VTI1B: variants seen among roughly 807,000 people sequenced by gnomAD.
The protein encoded by VTI1B is vesicle transport through interaction with t-SNAREs 1B, also known as vesicle transport through interaction with t-SNAREs homolog 1B.
Under a neutral mutation model 28.6 loss-of-function variants are expected in VTI1B, and 18 were observed. The observed-to-expected ratio is 0.63, with a 90% CI of 0.43 to 0.93. The LOEUF (loss-of-function observed/expected upper bound fraction) is 0.93, where lower values mean the gene tolerates loss of function less well. Among genes scored for constraint, VTI1B ranks in the 40% least tolerant of loss-of-function variants. The pLI is 0.00. For missense variants in VTI1B, 283 were observed against 297.0 expected (o/e 0.95, Z 0.35); for synonymous variants, 100 against 107.9 (o/e 0.93, Z 0.46).
rs1307485424 is a variant in VTI1B, at chr14:67,651,374, C to T, written c.*11G>A. ...CAAAGTTCTGGTCCACAAACCCTTC[C>T]CTATAGAAGTTCAATGGCTGCGAAA... On this transcript the variant is annotated 3_prime_UTR_variant, in exon 6 of 6. Coordinates refer to ENST00000554659, the MANE Select transcript of VTI1B (RefSeq NM_006370.3). The T allele has an allele frequency of 6.2e-7, 1 of 1,613,538 alleles. No homozygotes were observed. The highest frequency in any genetic ancestry group is 8.5e-7 in the Non-Finnish European group (1 of 1,179,620).
chr14:67,666,819 C>T (rs569196819), intron 1 of VTI1B, among the ~76,000 whole-genome samples: 41 of 152,304 alleles, frequency 2.7e-4, no homozygotes, highest in African/African-American at 7.9e-4. Context: ...CAGTCCAAGG[C>T]TTTTCTGTAT....
chr14:67,670,149 C>CA lies in VTI1B; in HGVS notation c.115+4225dup, dbSNP rs553855863. Reference sequence around the variant, plus strand: ...GTGACTGCCCAAAAGGCTCTTAACACAGTCCCCTGTACCCAGATTCTTGTG... The same window carrying CA: ...GTGACTGCCCAAAAGGCTCTTAACACAAGTCCCCTGTACCCAGATTCTTGTG... On this transcript the variant is annotated intron_variant, in intron 1 of 5. Transcript: ENST00000554659. Among the ~76,000 whole-genome samples the CA allele has an allele frequency of 1.8e-3, 280 of 152,298 alleles. 1 individual carries two copies. Among genetic ancestry groups the CA allele is most frequent in the Non-Finnish European group, 1.7e-3 (119 of 68,024 alleles).
chr14:67,674,109 A>T (rs1263960168), intron 1 of VTI1B, among the ~76,000 whole-genome samples: 2 of 152,258 alleles, frequency 1.3e-5, no homozygotes, highest in African/African-American at 4.8e-5. Flanking sequence ...CAGATGCAAA[A>T]GCCCCTCTGC....
At chr14:67,663,177 A>T (rs1211971618) in intron 1 of VTI1B, 4 of 1,531,444 alleles carry the variant, frequency 2.6e-6, no homozygotes, top group Non-Finnish European at 3.5e-6. Flanking sequence ...ATACCTAAAA[A>T]TTACTAATCT....
chr14:67,654,869 A>G (rs1298425444), intron 4 of VTI1B, among the ~76,000 whole-genome samples: 1 of 151,872 alleles, frequency 6.6e-6, no homozygotes, highest in Non-Finnish European at 1.5e-5. Context: ...CTCTACTAAA[A>G]ATACGAAAAA....
At chr14:67,661,519 G>C (rs1037587200) in intron 2 of VTI1B, among the ~76,000 whole-genome samples, 1 of 136,540 alleles carries the variant, frequency 7.3e-6, no homozygotes, top group South Asian at 2.4e-4. Flanking sequence ...GTTTAACAAA[G>C]AACAGTAACC....
At chr14:67,670,677 T>A (rs530964668) in intron 1 of VTI1B, among the ~76,000 whole-genome samples, 1 of 152,038 alleles carries the variant, frequency 6.6e-6, no homozygotes, top group Non-Finnish European at 1.5e-5. Flanking sequence ...TACAGGCACA[T>A]GCCACCACAC....
Position 67,651,185 on chromosome 14 carries a change from A to G in VTI1B, c.*200T>C. On this transcript the variant is annotated 3_prime_UTR_variant, in exon 6 of 6. Coordinates refer to ENST00000554659, the MANE Select transcript of VTI1B (RefSeq NM_006370.3). The stretch of plus-strand genomic sequence containing the variant: ...CATAAACAGCATTTATTACCTTGGT[A>G]TATCATACTGGTCTTGTTGCTGTTG... 2.8e-6 allele frequency: 3 copies of G among 1,059,252 alleles called. No individual in the cohort carries two copies. The highest frequency in any genetic ancestry group is 4.0e-6 in the Non-Finnish European group (3 of 753,504). The allele number at this position is 1,059,252 out of a possible 1,614,324, so 65.6% of individuals were successfully genotyped here. A position where few individuals can be genotyped will look rare whatever the true frequency, so the allele number is the denominator to read the frequency against.
rs372340047 is a variant in VTI1B at position 67,648,377 on chromosome 14, C to T, written c.*3008G>A. ...TTTAGAGTCATGCTTGGACATGGCT[C>T]TTACCAAATTACACTAAGGTAATAA... On this transcript the variant is annotated 3_prime_UTR_variant, in exon 6 of 6. Coordinates refer to ENST00000554659, the MANE Select transcript of VTI1B (RefSeq NM_006370.3). The T allele has an allele frequency of 1.1e-4, 54 of 489,376 alleles. No individual in the cohort carries two copies. The highest frequency in any genetic ancestry group is 8.8e-4 in the African/African-American group (45 of 50,854). The allele number at this position is 489,376 out of a possible 1,614,324, so 30.3% of individuals were successfully genotyped here.
chr14:67,669,091 CT>C lies in VTI1B; in HGVS notation c.115+5283del, dbSNP rs374955288. Among the ~76,000 whole-genome samples, 46 of 152,196 alleles carry C rather than the reference CT, an allele frequency of 3.0e-4. 1 individual carries two copies. Among genetic ancestry groups the C allele is most frequent in the African/African-American group, 1.1e-3 (45 of 41,518 alleles). On this transcript the variant is annotated intron_variant, in intron 1 of 5. Coordinates refer to ENST00000554659, the MANE Select transcript of VTI1B (RefSeq NM_006370.3). ...AACTCATTTACTCCTCACAAAAACCCTGTGAAGTAGATACTATGATTTATCC... is the reference window on the plus strand; with the variant it reads ...AACTCATTTACTCCTCACAAAAACCCGTGAAGTAGATACTATGATTTATCC...
At chr14:67,666,912 T>A (rs1280100221) in intron 1 of VTI1B, among the ~76,000 whole-genome samples, 2 of 152,124 alleles carry the variant, frequency 1.3e-5, no homozygotes, top group Admixed American at 6.5e-5. Flanking sequence ...TAAAATCTGT[T>A]GAAAAAACAA....
At chr14:67,666,676 G>A (rs1023026373) in intron 1 of VTI1B, among the ~76,000 whole-genome samples, 1 of 152,148 alleles carries the variant, frequency 6.6e-6, no homozygotes, top group African/African-American at 2.4e-5. Context: ...GTACCTCAGC[G>A]ATCATCTAGT....
rs1257900121 is a variant in VTI1B at position 67,674,535 on chromosome 14, G to C, written c.-46C>G. 2.0e-6 allele frequency: 3 copies of C among 1,516,146 alleles called. No homozygotes were observed. The South Asian group carries it at 3.6e-5, about 18-fold the overall frequency. The allele number at this position is 1,516,146 out of a possible 1,614,324, so 93.9% of individuals were successfully genotyped here. ...AGCGGCCACCGAGATTCGGGGCCCT[G>C]GGCCCTTTCCTAGCCCGGCGGTCAG... On this transcript the variant is annotated 5_prime_UTR_variant, in exon 1 of 6. Coordinates refer to ENST00000554659, the MANE Select transcript of VTI1B (RefSeq NM_006370.3).
rs796824879 is a variant in VTI1B at position 67,673,303 on chromosome 14, C to CACTT, written c.115+1071_115+1072insAAGT. Reference sequence around the variant, plus strand: ...AGGTTGCAGTGAGCCGAGATCGTGCCACTGCACTCCAGCCTGGGTGACAGA... The same window carrying CACTT: ...AGGTTGCAGTGAGCCGAGATCGTGCCACTTACTGCACTCCAGCCTGGGTGACAGA... On this transcript the variant is annotated intron_variant, in intron 1 of 5. Coordinates refer to ENST00000554659, the MANE Select transcript of VTI1B (RefSeq NM_006370.3). Among the ~76,000 whole-genome samples the CACTT allele has an allele frequency of 3.1e-4, 47 of 152,122 alleles. 1 individual carries two copies. Among genetic ancestry groups the CACTT allele is most frequent in the African/African-American group, 1.1e-3 (46 of 41,478 alleles).
At chr14:67,657,266 A>AT (rs1170838033) in intron 3 of VTI1B, 1 of 152,144 alleles carries the variant, frequency 6.6e-6, no homozygotes, top group East Asian at 1.9e-4. Flanking sequence ...CTGAGACACT[A>AT]CCACATTCTG....
chr14:67,667,417 T>C (rs1309333233), intron 1 of VTI1B, among the ~76,000 whole-genome samples: 2 of 151,822 alleles, frequency 1.3e-5, no homozygotes, highest in African/African-American at 4.8e-5. Flanking sequence ...CATACAAGAG[T>C]TAAAAGCAAC....
intron 4 of VTI1B, among the ~76,000 whole-genome samples, chr14:67,654,521 G>A (rs888639505): frequency 6.6e-6 from 1 of 152,104 alleles, no homozygotes; most frequent in East Asian, 1.9e-4. Flanking sequence ...ATTCTCCATA[G>A]CTTGCCTTGA....
intron 4 of VTI1B, among the ~76,000 whole-genome samples, chr14:67,655,997 G>C (rs1180643615): frequency 6.6e-6 from 1 of 152,130 alleles, no homozygotes; most frequent in Admixed American, 6.5e-5. Context: ...TATAATCCTA[G>C]CACTTTGGGA....
chr14:67,674,622 T>A lies in VTI1B; in HGVS notation c.-133A>T. On this transcript the variant is annotated 5_prime_UTR_variant, in exon 1 of 6. Transcript: ENST00000554659. ...CCACCGCCGCCCAGGACGAGGCTCT[T>A]CCGGAGCCGCGGCAGGGTCCTCTCG... 1 of 640,408 alleles carries A rather than the reference T, an allele frequency of 1.6e-6. No homozygotes were observed. Among genetic ancestry groups the A allele is most frequent in the Non-Finnish European group, 2.4e-6 (1 of 414,708 alleles). The allele number at this position is 640,408 out of a possible 1,614,324, so 39.7% of individuals were successfully genotyped here.
Sources: allele counts gnomAD v4.1 joint callset (sites outside exome capture counted in the v4.1 genomes callset), GRCh38; gene constraint gnomAD v4.1.1; transcripts MANE v1.5; gene names NCBI Gene and HGNC (gene_info 2026-07-23, HGNC 2026-07-21).